Variants in STAU2 observed in about 807,000 individuals in gnomAD.
STAU2 encodes the protein double-stranded RNA-binding protein Staufen homolog 2.
STAU2 carries 20 observed loss-of-function variants against 65.9 expected under a neutral mutation model. The observed-to-expected ratio is 0.30, with a 90% CI of 0.21 to 0.44. The LOEUF (loss-of-function observed/expected upper bound fraction) is 0.44. STAU2 is among the 20% of genes least tolerant of loss of function. The pLI, the probability that STAU2 is intolerant of heterozygous loss-of-function variation, is 1.00. For missense variants in STAU2, 558 were observed against 683.9 expected (o/e 0.82, Z 2.05); for synonymous variants, 232 against 233.9 (o/e 0.99, Z 0.07).
chr8:73,659,082 A>G (rs1363315091), intron 6 of STAU2, among the ~76,000 whole-genome samples: 1 of 152,218 alleles, frequency 6.6e-6, no homozygotes, highest in East Asian at 1.9e-4. Context: ...CAGCTGGTGG[A>G]TAACGTTTTT....
At chr8:73,715,522 C>T (rs1480158443) in intron 3 of STAU2, among the ~76,000 whole-genome samples, 1 of 150,512 alleles carries the variant, frequency 6.6e-6, no homozygotes, top group Admixed American at 6.6e-5. Context: ...CCCTATTAGA[C>T]TGATAAAGAT....
intron 13 of STAU2, among the ~76,000 whole-genome samples, chr8:73,462,615 CTT>C (rs1819428739): frequency 6.6e-6 from 1 of 151,800 alleles, no homozygotes; most frequent in African/African-American, 2.4e-5. Flanking sequence ...CCAGGATGGT[CTT>C]GAACTCCTGG....
At position 73,665,961 on chromosome 8, in the gene STAU2, C is replaced by T. The variant is rs193181112; in HGVS notation, c.410+7146G>A. Among the ~76,000 whole-genome samples the T allele has an allele frequency of 9.2e-5, 14 of 152,222 alleles. No homozygotes were observed. The East Asian group carries it at 9.6e-4, about 10-fold the overall frequency. Reference sequence around the variant, plus strand: ...TGCTATGAAAATAGTAGTTACACTGCGTTGTTTAGGAAATAATGACAAGAA... The same window carrying T: ...TGCTATGAAAATAGTAGTTACACTGTGTTGTTTAGGAAATAATGACAAGAA... On this transcript the variant is annotated intron_variant, in intron 6 of 14. Coordinates refer to ENST00000524300, the MANE Select transcript of STAU2 (RefSeq NM_001164380.2).
intron 3 of STAU2, among the ~76,000 whole-genome samples, chr8:73,730,778 G>A (rs1030925487): frequency 6.7e-6 from 1 of 148,876 alleles, no homozygotes; most frequent in Non-Finnish European, 1.5e-5. Context: ...ATATTTTGCT[G>A]TTGCTGAATG....
chr8:73,604,316 C>T (rs1563452098), intron 9 of STAU2, among the ~76,000 whole-genome samples: 1 of 152,134 alleles, frequency 6.6e-6, no homozygotes, highest in Non-Finnish European at 1.5e-5. Context: ...ACAAACTCCA[C>T]CTGCCGGGTT....
chr8:73,650,131 G>T (rs1231167024), intron 6 of STAU2, among the ~76,000 whole-genome samples: 8 of 151,664 alleles, frequency 5.3e-5, no homozygotes, highest in Non-Finnish European at 1.2e-4. Context: ...CAGATGTCTT[G>T]GGAGAATTTC....
chr8:73,569,378 G>A (rs573313506), intron 12 of STAU2, among the ~76,000 whole-genome samples: 14 of 152,196 alleles, frequency 9.2e-5, no homozygotes, highest in East Asian at 5.8e-4. Context: ...CTCCACCTCC[G>A]GGGGCAGGGC....
At position 73,654,637 on chromosome 8, in the gene STAU2, C is replaced by CAAAA. The variant is rs71269928; in HGVS notation, c.410+18466_410+18469dup. On this transcript the variant is annotated intron_variant, in intron 6 of 14. Coordinates refer to ENST00000524300, the MANE Select transcript of STAU2 (RefSeq NM_001164380.2). ...CCTAGATGACAGAACAAGATTGTCT[C>CAAAA]AAAAAAAAAAAAAAAAAAAAAAAAG... Among the ~76,000 whole-genome samples, 97 of 26,300 alleles carry CAAAA rather than the reference C, an allele frequency of 3.7e-3. 6 individuals carry two copies. The highest frequency in any genetic ancestry group is 0.011 in the African/African-American group (82 of 7,424). 17.3% of individuals were successfully genotyped at this position (26,300 alleles called of 152,430 possible). A position where few individuals can be genotyped will look rare whatever the true frequency, so the allele number is the denominator to read the frequency against.
In STAU2 at chr8:73,720,499, C is replaced by CTT. The variant is rs1174035145; in HGVS notation, c.-17-11339_-17-11338dup. Among the ~76,000 whole-genome samples the CTT allele has an allele frequency of 7.2e-4, 28 of 39,100 alleles. 5 individuals are homozygous for CTT. In the East Asian group the frequency reaches 7.7e-3, roughly 11 times the overall value. The allele number at this position is 39,100 out of a possible 152,430, so 25.7% of individuals were successfully genotyped here. ...GTTGTCATTTAGTTTAAAATACTTT[C>CTT]TTTTTTTTTTTTTTTTTTTTTTTTG... On this transcript the variant is annotated intron_variant, in intron 3 of 14. Transcript: ENST00000524300.
At chr8:73,656,185 C>A (rs1816356798) in intron 6 of STAU2, among the ~76,000 whole-genome samples, 1 of 152,184 alleles carries the variant, frequency 6.6e-6, no homozygotes, top group Admixed American at 6.5e-5. Flanking sequence ...AAGAATATTT[C>A]TTACTGCTAA....
At position 73,736,726 on chromosome 8, in the gene STAU2, G is replaced by A. The variant is rs117090752; in HGVS notation, c.-18+1558C>T. On this transcript the variant is annotated intron_variant, in intron 3 of 14. Transcript: ENST00000524300. ...GAGATCAAGGTGGTAAATGCTACAT[G>A]AGTTTGGAGCTCAGAAAAAAAAGGT... Among the ~76,000 whole-genome samples, 395 of 152,316 alleles carry A rather than the reference G, an allele frequency of 2.6e-3. 15 individuals carry two copies. The East Asian group carries it at 0.067, about 26-fold the overall frequency.
At chr8:73,730,391 G>C (rs1014987943) in intron 3 of STAU2, among the ~76,000 whole-genome samples, 1 of 152,028 alleles carries the variant, frequency 6.6e-6, no homozygotes, top group Non-Finnish European at 1.5e-5. Flanking sequence ...TTGTTTTGTG[G>C]CCTAATACAG....
intron 13 of STAU2, 56 bp from the exon 14 acceptor site, chr8:73,422,758 G>A: frequency 8.4e-7 from 1 of 1,192,426 alleles, no homozygotes; most frequent in South Asian, 1.9e-5. Context: ...TAATGAACAA[G>A]TAACTGAAAG....
intron 4 of STAU2, among the ~76,000 whole-genome samples, chr8:73,707,165 C>T (rs1383326211): frequency 6.6e-6 from 1 of 151,978 alleles, no homozygotes; most frequent in Non-Finnish European, 1.5e-5. Flanking sequence ...GCTGAGGGTA[C>T]CTACATAAAA....
chr8:73,552,288 A>G lies in STAU2; in HGVS notation c.1254T>C (p.Asp418=), dbSNP rs1807388458. 1 of 1,613,170 alleles carries G rather than the reference A, an allele frequency of 6.2e-7. No individual in the cohort carries two copies. The highest frequency in any genetic ancestry group is 8.5e-7 in the Non-Finnish European group (1 of 1,179,590). ...TPKGILHLSP[D]VYQEMEASRH... is the part of the protein sequence containing the mutation. ...GGCTGGCTTCCATCTCTTGATAAAC[A>G]TCAGGAGACAAATGAAGAATTCCTT... The change falls in exon 13 of 15, where the codon GAT becomes GAC. Residue 418 remains aspartate, a synonymous_variant. Transcript: ENST00000524300.
intron 6 of STAU2, among the ~76,000 whole-genome samples, chr8:73,663,757 T>C (rs1018376533): frequency 6.6e-6 from 1 of 152,162 alleles, no homozygotes; most frequent in African/African-American, 2.4e-5. Flanking sequence ...TAGCCTTCAT[T>C]ATACAGGTTG....
intron 2 of STAU2, 107 bp from the exon 3 acceptor site, chr8:73,738,456 TCCAG>T: frequency 1.3e-6 from 1 of 769,886 alleles, no homozygotes; most frequent in Non-Finnish European, 2.0e-6. Context: ...ATGTAATTTA[TCCAG>T]ATCTCCATAG....
intron 3 of STAU2, among the ~76,000 whole-genome samples, chr8:73,737,787 A>C (rs1806551027): frequency 6.6e-6 from 1 of 152,058 alleles, no homozygotes. Flanking sequence ...TTCTTGGAGA[A>C]ACGTCAAGAA....
intron 5 of STAU2, among the ~76,000 whole-genome samples, chr8:73,684,143 A>G (rs778600648): frequency 3.3e-5 from 5 of 152,210 alleles, no homozygotes; most frequent in Non-Finnish European, 7.3e-5. Flanking sequence ...AAGAGCCCAC[A>G]TAACTAAAGC....
Sources: allele counts gnomAD v4.1 joint callset (sites outside exome capture counted in the v4.1 genomes callset), GRCh38; gene constraint gnomAD v4.1.1; transcripts MANE v1.5; gene names NCBI Gene and HGNC (gene_info 2026-07-23, HGNC 2026-07-21).